The following C1orf185 variants were observed in gnomAD, a reference collection of about 807,000 sequenced individuals.
C1orf185 encodes uncharacterized protein C1orf185.
Under a neutral mutation model 16.1 loss-of-function variants are expected in C1orf185, and 13 were observed. The observed-to-expected ratio is 0.81, with a 90% confidence interval of 0.53 to 1.28. C1orf185 has a LOEUF of 1.28. Ranked by LOEUF, C1orf185 falls within the 50% of genes most tolerant of loss-of-function variation. The pLI is 0.00. For synonymous variants in C1orf185, 80 were observed against 76.9 expected (o/e 1.04, Z -0.21); for missense variants, 220 against 225.2 (o/e 0.98, Z 0.15).
chr1:51,127,636 A>G (rs1479494593), intron 3 of C1orf185, among the ~76,000 whole-genome samples: 1 of 152,036 alleles, frequency 6.6e-6, no homozygotes, highest in African/African-American at 2.4e-5. Flanking sequence ...TAAATTATAT[A>G]TAAATTAAAT....
In C1orf185 at chr1:51,145,734, G is replaced by GA; in HGVS notation, c.275dup (p.Glu93GlyfsTer9). ...CTTTTTTTAATGTAGGAGGAGCAAA[G>GA]AAAAAAGGAAGCAGCACATATAAAA... On this transcript the variant is annotated frameshift_variant, in exon 4 of 5. Transcript: ENST00000371759. LOFTEE classifies it low-confidence loss of function (END_TRUNC). 4 of 1,309,264 alleles carry GA rather than the reference G, an allele frequency of 3.1e-6. No individual in the cohort carries two copies. Among genetic ancestry groups the GA allele is most frequent in the South Asian group, 1.5e-5 (1 of 67,720 alleles). 81.1% of individuals were successfully genotyped at this position (1,309,264 alleles called of 1,614,324 possible). A position where few individuals can be genotyped will look rare whatever the true frequency, so the allele number is the denominator to read the frequency against.
chr1:51,146,696 A>G (rs1646403157), intron 4 of C1orf185, among the ~76,000 whole-genome samples: 1 of 152,108 alleles, frequency 6.6e-6, no homozygotes, highest in South Asian at 2.1e-4. Flanking sequence ...CTGATCTGTA[A>G]TGGGTCATTT....
At chr1:51,127,885 GTTTTTTTT>G (rs769457494) in intron 3 of C1orf185, among the ~76,000 whole-genome samples, 1 of 115,304 alleles carries the variant, frequency 8.7e-6, no homozygotes, top group Non-Finnish European at 1.8e-5. Flanking sequence ...TCTTTTCTTT[GTTTTTTTT>G]TTTTTTTTTT....
chr1:51,144,514 C>A (rs953220948), intron 3 of C1orf185, among the ~76,000 whole-genome samples: 2 of 152,096 alleles, frequency 1.3e-5, no homozygotes, highest in Non-Finnish European at 2.9e-5. Context: ...GAGTTTGAGA[C>A]CAGCCTTGGG....
At chr1:51,120,723 C>G (rs1476680946) in intron 3 of C1orf185, among the ~76,000 whole-genome samples, 4 of 152,182 alleles carry the variant, frequency 2.6e-5, no homozygotes, top group Non-Finnish European at 4.4e-5. Context: ...ATAATACCAT[C>G]ATACTTAACG....
In C1orf185 at chr1:51,147,954, C is replaced by T; in HGVS notation, c.*183C>T. ...TTTTTTGTTCTTTACCATAGAGCGG[C>T]TCTACTTCCCTTGCTGGTTCTTATT... On this transcript the variant is annotated 3_prime_UTR_variant, in exon 5 of 5. Coordinates refer to ENST00000371759, the MANE Select transcript of C1orf185 (RefSeq NM_001136508.2). 2 of 504,664 alleles carry T rather than the reference C, an allele frequency of 4.0e-6. No homozygotes were observed. Among genetic ancestry groups the T allele is most frequent in the Non-Finnish European group, 6.7e-6 (2 of 298,660 alleles). 31.3% of individuals were successfully genotyped at this position (504,664 alleles called of 1,614,324 possible).
intron 3 of C1orf185, among the ~76,000 whole-genome samples, chr1:51,140,042 G>T (rs1646354004): frequency 1.3e-5 from 2 of 152,156 alleles, no homozygotes; most frequent in Admixed American, 6.5e-5. Context: ...AGTCAAGCTT[G>T]ATGTCAGTGA....
At chr1:51,147,016 A>G (rs147939268) in intron 4 of C1orf185, among the ~76,000 whole-genome samples, 2 of 152,262 alleles carry the variant, frequency 1.3e-5, no homozygotes, top group African/African-American at 4.8e-5. Context: ...TGTATATTAC[A>G]AATGTTTTTT....
intron 1 of C1orf185, among the ~76,000 whole-genome samples, chr1:51,109,755 G>C (rs187144763): frequency 2.3e-3 from 343 of 152,000 alleles, no homozygotes; most frequent in Non-Finnish European, 3.9e-3. Flanking sequence ...CTATGTTTCT[G>C]TTTTTTATGC....
At chr1:51,126,849 T>A (rs1646243820) in intron 3 of C1orf185, among the ~76,000 whole-genome samples, 1 of 152,220 alleles carries the variant, frequency 6.6e-6, no homozygotes, top group Non-Finnish European at 1.5e-5. Flanking sequence ...TAATCCAGGA[T>A]CCTACATTGC....
chr1:51,128,656 G>A (rs1646260174), intron 3 of C1orf185, among the ~76,000 whole-genome samples: 1 of 152,060 alleles, frequency 6.6e-6, no homozygotes, highest in African/African-American at 2.4e-5. Flanking sequence ...TTGTGCCACT[G>A]CGCTCCAGCC....
chr1:51,127,380 C>G (rs1442500152), intron 3 of C1orf185, among the ~76,000 whole-genome samples: 1 of 152,100 alleles, frequency 6.6e-6, no homozygotes, highest in African/African-American at 2.4e-5. Flanking sequence ...CCTCCGCCTC[C>G]TGGGTTCAAG....
At chr1:51,143,111 C>G (rs928219170) in intron 3 of C1orf185, among the ~76,000 whole-genome samples, 1 of 151,930 alleles carries the variant, frequency 6.6e-6, no homozygotes, top group Non-Finnish European at 1.5e-5. Flanking sequence ...ATCGCACAAT[C>G]AAGATGTTTG....
intron 3 of C1orf185, among the ~76,000 whole-genome samples, chr1:51,121,717 A>C (rs1455278838): frequency 6.6e-6 from 1 of 152,154 alleles, no homozygotes; most frequent in Non-Finnish European, 1.5e-5. Flanking sequence ...ATAATAAAAA[A>C]CTAGAGAATG....
At chr1:51,114,047 A>G (rs1321980683) in intron 2 of C1orf185, among the ~76,000 whole-genome samples, 1 of 152,226 alleles carries the variant, frequency 6.6e-6, no homozygotes, top group Admixed American at 6.5e-5. Context: ...CTGAGATCTG[A>G]GTTAGAAGGA....
chr1:51,126,231 G>A (rs1646238928), intron 3 of C1orf185, among the ~76,000 whole-genome samples: 1 of 152,172 alleles, frequency 6.6e-6, no homozygotes, highest in South Asian at 2.1e-4. Flanking sequence ...TATAACCAGA[G>A]TGAACTGGTT....
intron 3 of C1orf185, among the ~76,000 whole-genome samples, chr1:51,137,840 G>A (rs1056369924): frequency 3.3e-5 from 5 of 152,082 alleles, no homozygotes; most frequent in African/African-American, 1.2e-4. Context: ...AGAAGATATG[G>A]TACATATACA....
chr1:51,143,992 A>T lies in C1orf185; in HGVS notation c.259-1732A>T, dbSNP rs192732041. Among the ~76,000 whole-genome samples the T allele has an allele frequency of 2.0e-5, 3 of 152,370 alleles. No homozygotes were observed. In the East Asian group the frequency reaches 5.8e-4, roughly 29 times the overall value. Reference sequence around the variant, plus strand: ...TCCTGGTAGCTGAATGTTTATACAAAACCGAAATTATTTACTTGGCATAAT... The same window carrying T: ...TCCTGGTAGCTGAATGTTTATACAATACCGAAATTATTTACTTGGCATAAT... On this transcript the variant is annotated intron_variant, in intron 3 of 4. Transcript: ENST00000371759.
At chr1:51,145,977 T>C (rs899149176) in intron 4 of C1orf185, among the ~76,000 whole-genome samples, 5 of 152,200 alleles carry the variant, frequency 3.3e-5, no homozygotes, top group Non-Finnish European at 7.3e-5. Context: ...GAAGTTTTAA[T>C]TTTTATCTCT....
Sources: allele counts gnomAD v4.1 joint callset (sites outside exome capture counted in the v4.1 genomes callset), GRCh38; gene constraint gnomAD v4.1.1; transcripts MANE v1.5; gene names NCBI Gene and HGNC (gene_info 2026-07-23, HGNC 2026-07-21).